The following SMIM31 variants were observed in gnomAD, a reference collection of about 807,000 sequenced individuals.
The protein encoded by SMIM31 is small integral membrane protein 31.
intron 2 of SMIM31, among the ~76,000 whole-genome samples, chr4:164,781,129 TACACACACACAC>T (rs138037586): frequency 0.014 from 1,965 of 144,534 alleles, 22 homozygotes; most frequent in African/African-American, 0.03. Context: ...TACATTTACA[TACACACACACAC>T]ACACACACAC....
intron 2 of SMIM31, among the ~76,000 whole-genome samples, chr4:164,791,688 C>T (rs1733102949): frequency 6.6e-6 from 1 of 152,026 alleles, no homozygotes; most frequent in African/African-American, 2.4e-5. Flanking sequence ...AATAATATTA[C>T]TATTATTATT....
intron 2 of SMIM31, among the ~76,000 whole-genome samples, chr4:164,793,538 T>C (rs1733133652): frequency 6.6e-6 from 1 of 152,214 alleles, no homozygotes; most frequent in Admixed American, 6.5e-5. Context: ...ATCAAGGTAC[T>C]GGTCAAGTAG....
intron 1 of SMIM31, among the ~76,000 whole-genome samples, chr4:164,761,250 A>T (rs1411225615): frequency 6.6e-6 from 1 of 152,232 alleles, no homozygotes; most frequent in African/African-American, 2.4e-5. Flanking sequence ...TCTTTCTACT[A>T]TGAAGAAGTA....
intron 1 of SMIM31, 82 bp from the exon 2 acceptor site, chr4:164,770,337 G>A (rs936226507): frequency 7.6e-6 from 3 of 396,620 alleles, no homozygotes; most frequent in African/African-American, 6.2e-5. Context: ...TCTCACACAT[G>A]TTGAATTCTA....
intron 1 of SMIM31, among the ~76,000 whole-genome samples, chr4:164,762,018 A>C (rs554991689): frequency 3.7e-4 from 57 of 152,222 alleles, no homozygotes; most frequent in Non-Finnish European, 5.9e-5. Context: ...CTGCTAGCTC[A>C]GCCAATGTCG....
intron 2 of SMIM31, among the ~76,000 whole-genome samples, chr4:164,785,183 G>T (rs1733011987): frequency 6.6e-6 from 1 of 151,810 alleles, no homozygotes; most frequent in Non-Finnish European, 1.5e-5. Flanking sequence ...CAGAGATCAT[G>T]TCACTGCACT....
intron 2 of SMIM31, among the ~76,000 whole-genome samples, chr4:164,797,084 T>C (rs771981856): frequency 3.9e-5 from 6 of 152,174 alleles, no homozygotes; most frequent in Admixed American, 1.3e-4. Flanking sequence ...ACTCTTTTAG[T>C]TAATAATATT....
At chr4:164,771,587 G>A (rs1452374762) in intron 2 of SMIM31, among the ~76,000 whole-genome samples, 2 of 151,770 alleles carry the variant, frequency 1.3e-5, no homozygotes, top group Non-Finnish European at 2.9e-5. Flanking sequence ...GGATCACGAG[G>A]TCAGGAGATC....
chr4:164,780,276 A>T (rs1732930687), intron 2 of SMIM31, among the ~76,000 whole-genome samples: 1 of 152,082 alleles, frequency 6.6e-6, no homozygotes, highest in Non-Finnish European at 1.5e-5. Flanking sequence ...AAATACAAAA[A>T]ATTAGCCAGG....
chr4:164,767,781 A>G (rs1184206185), intron 1 of SMIM31, among the ~76,000 whole-genome samples: 1 of 152,236 alleles, frequency 6.6e-6, no homozygotes, highest in East Asian at 1.9e-4. Context: ...TTTGACAAGA[A>G]GGTAGTCGGG....
rs1733301941 is a variant in SMIM31, at chr4:164,802,607, ATC to A, written c.*1414_*1415del. The A allele has an allele frequency of 6.6e-6, 1 of 152,232 alleles. No individual in the cohort carries two copies. The highest frequency in any genetic ancestry group is 2.4e-5 in the African/African-American group (1 of 41,464). 9.4% of individuals were successfully genotyped at this position (152,232 alleles called of 1,614,324 possible). Reference sequence around the variant, plus strand: ...GGCAGCATTATCGTGGCAGGAAGGAATCCACAATACAACCAAAGATACCTACC... The same window carrying A: ...GGCAGCATTATCGTGGCAGGAAGGAACACAATACAACCAAAGATACCTACC... On this transcript the variant is annotated 3_prime_UTR_variant, in exon 3 of 3. Coordinates refer to ENST00000507311, the MANE Select transcript of SMIM31 (RefSeq NM_001352885.1).
intron 1 of SMIM31, among the ~76,000 whole-genome samples, chr4:164,758,834 T>A (rs1379071422): frequency 6.5e-5 from 5 of 76,790 alleles, no homozygotes; most frequent in African/African-American, 1.7e-4. Flanking sequence ...TTTTTTTTTT[T>A]TTTTTTTGTA....
chr4:164,800,296 A>G (rs1410863967), intron 2 of SMIM31, among the ~76,000 whole-genome samples: 1 of 150,120 alleles, frequency 6.7e-6, no homozygotes, highest in Non-Finnish European at 1.5e-5. Context: ...TGCAATCTCC[A>G]CCTCCCAGTT....
At chr4:164,797,811 G>A (rs1489312971) in intron 2 of SMIM31, among the ~76,000 whole-genome samples, 2 of 151,886 alleles carry the variant, frequency 1.3e-5, no homozygotes. Flanking sequence ...GTGAAATCTG[G>A]GCTTTTAGTG....
chr4:164,778,661 G>C (rs1332510691), intron 2 of SMIM31, among the ~76,000 whole-genome samples: 2 of 152,174 alleles, frequency 1.3e-5, no homozygotes, highest in Non-Finnish European at 2.9e-5. Flanking sequence ...CTACTTTGGA[G>C]ATAAGGAAAA....
intron 2 of SMIM31, among the ~76,000 whole-genome samples, chr4:164,800,561 T>C (rs1295237680): frequency 2.0e-5 from 3 of 152,150 alleles, no homozygotes; most frequent in East Asian, 3.9e-4. Context: ...AAATGGTATG[T>C]TGATATCTCA....
At chr4:164,758,438 T>C (rs974259096) in intron 1 of SMIM31, among the ~76,000 whole-genome samples, 13 of 152,134 alleles carry the variant, frequency 8.5e-5, no homozygotes, top group Non-Finnish European at 1.6e-4. Context: ...ATATTGTTGC[T>C]TCGGGGCAAA....
chr4:164,778,796 A>G (rs1732910604), intron 2 of SMIM31, among the ~76,000 whole-genome samples: 1 of 152,152 alleles, frequency 6.6e-6, no homozygotes, highest in Non-Finnish European at 1.5e-5. Context: ...ATGGGAACTG[A>G]CTCAGAATTA....
At chr4:164,775,771 G>A (rs188332619) in intron 2 of SMIM31, among the ~76,000 whole-genome samples, 10 of 152,266 alleles carry the variant, frequency 6.6e-5, no homozygotes, top group African/African-American at 2.4e-4. Flanking sequence ...TGGCTCACTA[G>A]AAAAGAATCT....
Sources: allele counts gnomAD v4.1 joint callset (sites outside exome capture counted in the v4.1 genomes callset), GRCh38; gene constraint gnomAD v4.1.1; transcripts MANE v1.5; gene names NCBI Gene and HGNC (gene_info 2026-07-23, HGNC 2026-07-21).